Variants in FAAH2 observed in about 807,000 individuals in gnomAD.
FAAH2 encodes fatty-acid amide hydrolase 2.
In FAAH2, 60 loss-of-function variants were observed where a neutral mutation model predicts 36.9. That is an observed-to-expected ratio of 1.63 (90% CI 1.32 to 2.02). FAAH2 has a LOEUF of 2.02. Among genes scored for constraint, FAAH2 ranks in the 30% most tolerant of loss-of-function variants. FAAH2 has a pLI of 0.00. For missense variants in FAAH2, 689 were observed against 397.5 expected, an observed-to-expected ratio of 1.73 and a Z score of -6.23; for synonymous variants, 214 against 143.8, an observed-to-expected ratio of 1.49 and a Z score of -3.49.
At chrX:57,463,984 CA>C (rs903664833) in intron 10 of FAAH2, among the ~76,000 whole-genome samples, 1 of 111,698 alleles carries the variant, frequency 9.0e-6, no homozygotes, top group Non-Finnish European at 1.9e-5. Flanking sequence ...TTTACACTAG[CA>C]AAAACTTGGA....
At chrX:57,159,477 G>A in the FAAH2 span, among the ~76,000 whole-genome samples, 1 of 111,394 alleles carries the variant, frequency 9.0e-6, no homozygotes, top group East Asian at 2.8e-4. Flanking sequence ...CATGAGCATG[G>A]AATGTTCTTC....
the FAAH2 span, among the ~76,000 whole-genome samples, chrX:57,146,618 A>T: frequency 8.9e-6 from 1 of 111,846 alleles, no homozygotes; most frequent in Non-Finnish European, 1.9e-5. Context: ...AGAAGTGGTG[A>T]GAGTGGGCAT....
intron 5 of FAAH2, among the ~76,000 whole-genome samples, chrX:57,352,138 G>GTATATATATACACATA (rs2054038229): frequency 2.3e-4 from 9 of 39,666 alleles, no homozygotes; most frequent in Admixed American, 1.5e-3. Context: ...ATATATATGT[G>GTATATATATACACATA]TATATATATG....
chrX:57,137,382 C>A, the FAAH2 span: 2,394 of 749,191 alleles, frequency 3.2e-3, 54 homozygotes, highest in African/African-American at 0.051. Flanking sequence ...AGGAGCGCGG[C>A]GAGACAGGCA....
chrX:57,354,976 C>A (rs1052292229), intron 5 of FAAH2, among the ~76,000 whole-genome samples: 4 of 110,758 alleles, frequency 3.6e-5, no homozygotes, highest in South Asian at 3.7e-4. Flanking sequence ...GCTAGCACTG[C>A]CAGGAATTTG....
chrX:57,216,507 T>C, the FAAH2 span, among the ~76,000 whole-genome samples: 1 of 66,385 alleles, frequency 1.5e-5, no homozygotes, highest in Non-Finnish European at 2.5e-5. Context: ...TATATGTATA[T>C]ATATATATAT....
At chrX:57,476,843 C>A (rs190976495) in intron 10 of FAAH2, among the ~76,000 whole-genome samples, 2 of 99,866 alleles carry the variant, frequency 2.0e-5, no homozygotes, top group African/African-American at 7.2e-5. Context: ...TGTTCTTGGA[C>A]TTTTTTTTTT....
At chrX:57,222,887 C>T in the FAAH2 span, among the ~76,000 whole-genome samples, 11 of 111,413 alleles carry the variant, frequency 9.9e-5, no homozygotes, top group Non-Finnish European at 2.1e-4. Flanking sequence ...ACATCAAGGA[C>T]GCTGGCATGC....
chrX:57,402,640 A>G (rs768345942), intron 7 of FAAH2, among the ~76,000 whole-genome samples: 5 of 111,949 alleles, frequency 4.5e-5, no homozygotes, highest in Non-Finnish European at 9.4e-5. Flanking sequence ...TGCTTCCTCA[A>G]TGCCTCCCTT....
At chrX:57,264,699 C>A in the FAAH2 span, among the ~76,000 whole-genome samples, 2 of 112,353 alleles carry the variant, frequency 1.8e-5, no homozygotes, top group Non-Finnish European at 3.8e-5. Context: ...CCCAAAAGTA[C>A]ATAAATCATT....
At chrX:57,244,993 T>C in the FAAH2 span, among the ~76,000 whole-genome samples, 1 of 110,953 alleles carries the variant, frequency 9.0e-6, no homozygotes, top group African/African-American at 3.3e-5. Flanking sequence ...CCATCTCACA[T>C]GCAAAGAAAC....
At chrX:57,414,376 T>C (rs991040711) in intron 7 of FAAH2, among the ~76,000 whole-genome samples, 8 of 112,078 alleles carry the variant, frequency 7.1e-5, no homozygotes, top group Non-Finnish European at 1.5e-4. Context: ...TCTTATTATT[T>C]TGAGATATGT....
chrX:57,439,750 C>T (rs1427315760), intron 8 of FAAH2, among the ~76,000 whole-genome samples: 3 of 111,839 alleles, frequency 2.7e-5, no homozygotes, highest in Non-Finnish European at 5.6e-5. Context: ...ACGTTTAAGT[C>T]TTTAATCCAT....
At chrX:57,232,371 T>G in the FAAH2 span, among the ~76,000 whole-genome samples, 1 of 112,201 alleles carries the variant, frequency 8.9e-6, no homozygotes, top group Non-Finnish European at 1.9e-5. Context: ...TCTCTAAGAT[T>G]GTTCTCAATG....
Position 57,484,249 on chromosome X carries a change from G to T in FAAH2, c.1424-4508G>T, listed in dbSNP as rs753391916. 1.7e-4 allele frequency among the ~76,000 whole-genome samples: 19 copies of T among 111,140 alleles called. No homozygotes were observed. The Admixed American group carries it at 1.7e-3, about 10-fold the overall frequency. On this transcript the variant is annotated intron_variant, in intron 10 of 10. Transcript: ENST00000374900. ...TGAGCTAGATCGTGGTGTTCCCTAT[G>T]CCCTGAGCTTGCTTCTTAACTGTGG...
chrX:57,351,234 G>A (rs2053991114), intron 5 of FAAH2, among the ~76,000 whole-genome samples: 1 of 111,361 alleles, frequency 9.0e-6, no homozygotes, highest in Admixed American at 9.6e-5. Flanking sequence ...ACATGTTTGT[G>A]AATGACCATT....
the FAAH2 span, among the ~76,000 whole-genome samples, chrX:57,260,214 G>A: frequency 3.6e-5 from 4 of 111,615 alleles, no homozygotes; most frequent in East Asian, 1.1e-3. Context: ...ATACAGCAGA[G>A]TATCCTTGTA....
chrX:57,378,112 A>G (rs1461302397), intron 5 of FAAH2, among the ~76,000 whole-genome samples: 2 of 111,995 alleles, frequency 1.8e-5, no homozygotes, highest in Non-Finnish European at 3.8e-5. Flanking sequence ...CATCTGGCAT[A>G]TTAATTGTGA....
chrX:57,164,939 A>G, the FAAH2 span, among the ~76,000 whole-genome samples: 1 of 112,500 alleles, frequency 8.9e-6, no homozygotes, highest in Non-Finnish European at 1.9e-5. Flanking sequence ...GACCTTCGTT[A>G]TCATAAGCAT....
Sources: gnomAD v4.1 joint callset for allele counts (sites outside exome capture counted in the v4.1 genomes callset) on GRCh38, gnomAD v4.1.1 for gene constraint, MANE v1.5 for transcripts, NCBI Gene and HGNC (gene_info 2026-07-23, HGNC 2026-07-21) for gene names.